Variants in RIN3 observed in about 807,000 individuals in gnomAD.
RIN3 encodes the protein Ras and Rab interactor 3.
Under a neutral mutation model 76.3 loss-of-function variants are expected in RIN3, and 54 were observed. The ratio of observed to expected loss-of-function variants is 0.71; its 90% CI spans 0.57 to 0.89. The LOEUF (loss-of-function observed/expected upper bound fraction) is 0.89. Ranked by LOEUF, RIN3 falls within the 40% of genes least tolerant of loss-of-function variation. The pLI is 0.00. For missense variants in RIN3, 1,256 were observed against 1,322.1 expected, an observed-to-expected ratio of 0.95 and a Z score of 0.78; for synonymous variants, 576 against 564.0, an observed-to-expected ratio of 1.02 and a Z score of -0.30.
intron 1 of RIN3, among the ~76,000 whole-genome samples, chr14:92,542,274 C>T (rs930393567): frequency 4.0e-5 from 6 of 151,802 alleles, no homozygotes; most frequent in Admixed American, 1.3e-4. Context: ...GTTGACAGAG[C>T]GAGACCCTGT....
intron 3 of RIN3, among the ~76,000 whole-genome samples, chr14:92,590,481 G>T (rs1170456156): frequency 2.0e-5 from 3 of 152,126 alleles, no homozygotes; most frequent in Non-Finnish European, 4.4e-5. Context: ...ACTTGCTCCT[G>T]CTTTACATGT....
intron 3 of RIN3, among the ~76,000 whole-genome samples, chr14:92,585,623 GT>G (rs1461149058): frequency 6.6e-6 from 1 of 152,218 alleles, no homozygotes. Flanking sequence ...AGTCCAGCAG[GT>G]TTTTTTGTTT....
chr14:92,612,076 C>A (rs1489615227), intron 3 of RIN3, among the ~76,000 whole-genome samples: 1 of 152,104 alleles, frequency 6.6e-6, no homozygotes, highest in Non-Finnish European at 1.5e-5. Context: ...TCATGAAGGA[C>A]CCACCCCCAT....
intron 3 of RIN3, among the ~76,000 whole-genome samples, chr14:92,613,631 G>T (rs970368558): frequency 6.6e-6 from 1 of 152,114 alleles, no homozygotes; most frequent in South Asian, 2.1e-4. Context: ...AAACAGGTCC[G>T]CAAACTGATG....
At chr14:92,657,062 A>G (rs994919899) in intron 6 of RIN3, among the ~76,000 whole-genome samples, 3 of 152,190 alleles carry the variant, frequency 2.0e-5, no homozygotes, top group Admixed American at 2.0e-4. Context: ...TAAACCACAT[A>G]AAAAGGCCAG....
chr14:92,659,495 G>A, intron 7 of RIN3, 26 bp downstream of exon 7: 1 of 1,564,942 alleles, frequency 6.4e-7, no homozygotes, highest in Non-Finnish European at 8.6e-7. Context: ...GGAGGGGTCT[G>A]GGTGAGGAGC....
At chr14:92,634,080 T>C (rs929247178) in intron 4 of RIN3, among the ~76,000 whole-genome samples, 5 of 146,674 alleles carry the variant, frequency 3.4e-5, no homozygotes, top group Non-Finnish European at 7.5e-5. Flanking sequence ...TTTTTTTTTT[T>C]TTTTTTTTTT....
At chr14:92,678,312 A>G (rs4904973) in intron 8 of RIN3, among the ~76,000 whole-genome samples, 149,029 of 151,330 alleles carry the variant, frequency 0.98, 73,435 homozygotes, top group East Asian at 1. Flanking sequence ...CCACATATTC[A>G]CCCACACACC....
chr14:92,556,962 C>CTAAGA (rs1897602614), intron 2 of RIN3, among the ~76,000 whole-genome samples: 1 of 152,108 alleles, frequency 6.6e-6, no homozygotes, highest in Non-Finnish European at 1.5e-5. Flanking sequence ...GGTACAACCA[C>CTAAGA]CACCTCTATC....
intron 9 of RIN3, chr14:92,686,350 G>A (rs1888857394): frequency 6.6e-6 from 1 of 152,218 alleles, no homozygotes. Context: ...TGACTCTCTG[G>A]GGAGAAAACA....
At chr14:92,615,589 C>G (rs952216461) in intron 4 of RIN3, 110 bp downstream of exon 4, 17 of 910,010 alleles carry the variant, frequency 1.9e-5, no homozygotes, top group Non-Finnish European at 2.9e-5. Context: ...AGGGGTGTGG[C>G]CCAGAGGATG....
intron 1 of RIN3, among the ~76,000 whole-genome samples, chr14:92,538,781 A>G (rs911261668): frequency 6.6e-6 from 1 of 152,058 alleles, no homozygotes; most frequent in African/African-American, 2.4e-5. Flanking sequence ...AGTTGTTTTA[A>G]TTGTTTTCTG....
At chr14:92,534,398 G>A (rs933892468) in intron 1 of RIN3, among the ~76,000 whole-genome samples, 5 of 151,778 alleles carry the variant, frequency 3.3e-5, no homozygotes, top group African/African-American at 9.7e-5. Flanking sequence ...TGGCCATCAC[G>A]GTGAAACCCC....
At position 92,652,053 on chromosome 14, in the gene RIN3, A is replaced by G. The variant is rs764937631; in HGVS notation, c.1004A>G (p.Gln335Arg). The G allele has an allele frequency of 4.1e-5, 63 of 1,520,654 alleles. No homozygotes were observed. The highest frequency in any genetic ancestry group is 2.5e-4 in the African/African-American group (16 of 63,676). 94.2% of individuals were successfully genotyped at this position (1,520,654 alleles called of 1,614,324 possible). The change falls in exon 6 of 10, where the codon CAG (glutamine) becomes CGG (arginine). Residue 335 changes from glutamine to arginine, a missense_variant. This residue lies in a region of RIN3 where 610 missense variants were observed against 626.4 expected (regional missense o/e 0.97). Coordinates refer to ENST00000216487, the MANE Select transcript of RIN3 (RefSeq NM_024832.5). This position sits in a 1 kb window ranked among gnomAD's most constrained non-coding sequence, Gnocchi z 6.4. The stretch of plus-strand genomic sequence containing the variant: ...CCAGGTCCCCCAGACCATCCGAACC[A>G]GCCGCCCATGATGACCTGCGAGAGA... ...HAPGPPDHPN[Q>R]PPMMTCERLP...
chr14:92,676,008 G>A (rs1888447328), intron 7 of RIN3, among the ~76,000 whole-genome samples: 1 of 152,160 alleles, frequency 6.6e-6, no homozygotes, highest in Non-Finnish European at 1.5e-5. Context: ...GAAGAAGGCT[G>A]AATGGTGACA....
chr14:92,555,320 C>T (rs956191664), intron 1 of RIN3, among the ~76,000 whole-genome samples: 5 of 152,098 alleles, frequency 3.3e-5, no homozygotes, highest in Non-Finnish European at 7.4e-5. Flanking sequence ...ATAGCTGTGT[C>T]TCGCCATTTC....
Position 92,583,034 on chromosome 14 carries a change from C to G in RIN3, c.367+5557C>G, listed in dbSNP as rs118095687. ...CTTTACCTCTCCAGGCCTCAGTTGC[C>G]TTGCCTGTAAGATGGGGATAATGAT... On this transcript the variant is annotated intron_variant, in intron 3 of 9. Coordinates refer to ENST00000216487, the MANE Select transcript of RIN3 (RefSeq NM_024832.5). Among the ~76,000 whole-genome samples the G allele has an allele frequency of 5.2e-4, 79 of 152,310 alleles. No individual in the cohort carries two copies. In the East Asian group the frequency reaches 7.7e-3, roughly 15 times the overall value.
intron 2 of RIN3, among the ~76,000 whole-genome samples, chr14:92,560,669 C>G (rs1804729578): frequency 6.6e-6 from 1 of 152,052 alleles, no homozygotes; most frequent in African/African-American, 2.4e-5. Context: ...CGCTTTGCTT[C>G]ACAACAGCGG....
At chr14:92,589,574 T>C (rs1379839119) in intron 3 of RIN3, among the ~76,000 whole-genome samples, 3 of 152,146 alleles carry the variant, frequency 2.0e-5, no homozygotes, top group African/African-American at 7.2e-5. Flanking sequence ...CCCCTTTGCT[T>C]TCATCAGTTG....
Sources: gnomAD v4.1 joint callset for allele counts (sites outside exome capture counted in the v4.1 genomes callset) on GRCh38, gnomAD v4.1.1 for gene constraint, gnomAD v4.1.1 regional missense constraint, Gnocchi (gnomAD v3.1) non-coding constraint, MANE v1.5 for transcripts, NCBI Gene and HGNC (gene_info 2026-07-23, HGNC 2026-07-21) for gene names.